The following RAB31 variants were observed in gnomAD, a reference collection of about 807,000 sequenced individuals.
The protein encoded by RAB31 is ras-related protein Rab-31.
A neutral mutation model predicts 25.6 loss-of-function variants in RAB31; 21 were observed. That is an observed-to-expected ratio of 0.82 (90% CI 0.58 to 1.18). The LOEUF (loss-of-function observed/expected upper bound fraction) is 1.18, where lower values mean the gene tolerates loss of function less well. Ranked by LOEUF, RAB31 falls within the 50% of genes most tolerant of loss-of-function variation. The probability of loss-of-function intolerance (pLI) is 0.00; values close to 1 mark genes in which losing one functional copy is unlikely to be tolerated. For missense variants in RAB31, 196 were observed against 250.1 expected (o/e 0.78, Z 1.46); for synonymous variants, 87 against 84.0 (o/e 1.04, Z -0.20).
chr18:9,734,876 TC>T (rs2145467904), intron 1 of RAB31: 1 of 263,130 alleles, frequency 3.8e-6, no homozygotes, highest in South Asian at 4.2e-5. Context: ...TCTTCTCAGC[TC>T]ATCAGAATTG....
At chr18:9,838,171 T>G (rs976555607) in intron 5 of RAB31, among the ~76,000 whole-genome samples, 31 of 152,208 alleles carry the variant, frequency 2.0e-4, no homozygotes, top group African/African-American at 7.2e-4. Context: ...CCACCCAGCC[T>G]GGTGGAATGC....
At chr18:9,839,909 C>T (rs985016644) in intron 5 of RAB31, among the ~76,000 whole-genome samples, 1 of 152,058 alleles carries the variant, frequency 6.6e-6, no homozygotes, top group Non-Finnish European at 1.5e-5. Context: ...GCAGCCGTTC[C>T]TGCGGTCTCC....
At chr18:9,771,233 T>C (rs185714054) in intron 1 of RAB31, among the ~76,000 whole-genome samples, 1 of 152,228 alleles carries the variant, frequency 6.6e-6, no homozygotes, top group African/African-American at 2.4e-5. Flanking sequence ...GTGAGAGCCT[T>C]AAGAGGTTTT....
rs551831397 is a variant in RAB31, at chr18:9,766,658, C to T, written c.40-8620C>T. Among the ~76,000 whole-genome samples, 5 of 152,278 alleles carry T rather than the reference C, an allele frequency of 3.3e-5. No homozygotes were observed. Among genetic ancestry groups the T allele is most frequent in the East Asian group, 3.9e-4 (2 of 5,190 alleles). On this transcript the variant is annotated intron_variant, in intron 1 of 6. Coordinates refer to ENST00000578921, the MANE Select transcript of RAB31 (RefSeq NM_006868.4). This position sits in a 1 kb window ranked among gnomAD's most constrained non-coding sequence, Gnocchi z 4.3. ...TTGTCAATGCTGAAGATGCTGAAGA[C>T]GTTTTAGAAGCATGTGGCTGGGCGC...
chr18:9,753,522 A>T (rs563615352), intron 1 of RAB31, among the ~76,000 whole-genome samples: 2 of 152,204 alleles, frequency 1.3e-5, no homozygotes, highest in South Asian at 4.1e-4. Flanking sequence ...TAAGAAATAG[A>T]TTACTTTTCT....
At chr18:9,779,326 C>T (rs183231186) in intron 2 of RAB31, among the ~76,000 whole-genome samples, 6 of 152,106 alleles carry the variant, frequency 3.9e-5, no homozygotes, top group East Asian at 1.9e-4. Flanking sequence ...TCTTCAATCC[C>T]GTATTCTTCA....
chr18:9,718,224 A>G (rs183761255), intron 1 of RAB31, among the ~76,000 whole-genome samples: 5 of 151,572 alleles, frequency 3.3e-5, no homozygotes, highest in Admixed American at 3.3e-4. Context: ...TAGTTAATTT[A>G]TACTTCATTT....
chr18:9,848,555 G>C (rs1480952305), intron 6 of RAB31, among the ~76,000 whole-genome samples: 3 of 152,150 alleles, frequency 2.0e-5, no homozygotes, highest in African/African-American at 7.2e-5. Flanking sequence ...ACAATTCCAA[G>C]TACACCTAAA....
At chr18:9,812,575 A>G (rs1016244744) in intron 3 of RAB31, among the ~76,000 whole-genome samples, 11 of 152,170 alleles carry the variant, frequency 7.2e-5, no homozygotes, top group African/African-American at 2.4e-4. Flanking sequence ...CATGTTTTAA[A>G]ATATTTGTTG....
chr18:9,827,763 T>C (rs1017894342), intron 5 of RAB31, among the ~76,000 whole-genome samples: 2 of 152,206 alleles, frequency 1.3e-5, no homozygotes, highest in Non-Finnish European at 2.9e-5. Flanking sequence ...CTCAGTCATT[T>C]GATTAGCAAA....
chr18:9,853,963 CTTT>C (rs11376519), intron 6 of RAB31, among the ~76,000 whole-genome samples: 2 of 130,848 alleles, frequency 1.5e-5, no homozygotes, highest in Admixed American at 7.5e-5. Flanking sequence ...CTTTTCTTTT[CTTT>C]TTTTTTTTTT....
intron 1 of RAB31, among the ~76,000 whole-genome samples, chr18:9,754,442 G>A (rs9949743): frequency 0.053 from 8,116 of 152,004 alleles, 374 homozygotes; most frequent in South Asian, 0.23. Flanking sequence ...ACCACACCCG[G>A]CTAATTTTTG....
intron 6 of RAB31, among the ~76,000 whole-genome samples, chr18:9,853,783 G>A (rs2068800951): frequency 6.6e-6 from 1 of 152,000 alleles, no homozygotes; most frequent in East Asian, 1.9e-4. Flanking sequence ...AAGATGAGGA[G>A]AGGAAGGTAT....
In RAB31 at chr18:9,754,567, A is replaced by G. The variant is rs562075124; in HGVS notation, c.40-20711A>G. Among the ~76,000 whole-genome samples, 14 of 152,322 alleles carry G rather than the reference A, an allele frequency of 9.2e-5. No homozygotes were observed. In the East Asian group the frequency reaches 2.7e-3, roughly 29 times the overall value. ...AGTGCTGAGATTACAGGCGTGAGTCACTGCACCCAGCCCAGACTTTTTTCT... is the reference window on the plus strand; with the variant it reads ...AGTGCTGAGATTACAGGCGTGAGTCGCTGCACCCAGCCCAGACTTTTTTCT... On this transcript the variant is annotated intron_variant, in intron 1 of 6. Coordinates refer to ENST00000578921, the MANE Select transcript of RAB31 (RefSeq NM_006868.4).
chr18:9,814,263 ATAAT>A (rs1456207550), intron 4 of RAB31, among the ~76,000 whole-genome samples, 172 bp downstream of exon 4: 2 of 152,224 alleles, frequency 1.3e-5, no homozygotes, highest in African/African-American at 4.8e-5. Flanking sequence ...AAATTAAACA[ATAAT>A]GACCATTCAT....
chr18:9,798,640 AC>A (rs1453839061), intron 3 of RAB31, among the ~76,000 whole-genome samples: 6 of 151,880 alleles, frequency 4.0e-5, no homozygotes, highest in Non-Finnish European at 8.8e-5. Context: ...TCTTTTTAAG[AC>A]AAGGTCACAC....
At chr18:9,813,139 T>C (rs1476490860) in intron 3 of RAB31, among the ~76,000 whole-genome samples, 1 of 152,234 alleles carries the variant, frequency 6.6e-6, no homozygotes, top group East Asian at 1.9e-4. Flanking sequence ...CAGCACTTGC[T>C]TTGTTAACAT....
chr18:9,757,057 C>G (rs948722351), intron 1 of RAB31, among the ~76,000 whole-genome samples: 7 of 152,176 alleles, frequency 4.6e-5, no homozygotes, highest in African/African-American at 1.7e-4. Context: ...GTTATTTCTC[C>G]TTGGTGGGCA....
chr18:9,830,256 TC>T (rs1257930596), intron 5 of RAB31: 1 of 152,104 alleles, frequency 6.6e-6, no homozygotes, highest in Non-Finnish European at 1.5e-5. Context: ...CAAGGGATCC[TC>T]CCACCTTGAC....
Sources: gnomAD v4.1 joint callset for allele counts (sites outside exome capture counted in the v4.1 genomes callset) on GRCh38, gnomAD v4.1.1 for gene constraint, Gnocchi (gnomAD v3.1) non-coding constraint, MANE v1.5 for transcripts, NCBI Gene and HGNC (gene_info 2026-07-23, HGNC 2026-07-21) for gene names.